Variants in CABP1 observed in about 807,000 individuals in gnomAD.
The protein encoded by CABP1 is calcium-binding protein 1.
CABP1 carries 17 observed loss-of-function variants against 34.3 expected under a neutral mutation model. The ratio of observed to expected loss-of-function variants is 0.50; its 90% CI spans 0.34 to 0.74. The LOEUF (loss-of-function observed/expected upper bound fraction) is 0.74, where lower values mean the gene tolerates loss of function less well. CABP1 is among the 30% of genes least tolerant of loss of function. CABP1 has a pLI of 0.01. For synonymous variants in CABP1, 198 were observed against 229.2 expected (o/e 0.86, Z 1.23); for missense variants, 373 against 511.1 (o/e 0.73, Z 2.61).
Position 120,640,966 on chromosome 12 carries a change from CG to C in CABP1, c.285del (p.Leu96CysfsTer180). The C allele has an allele frequency of 8.7e-7, 1 of 1,145,018 alleles. No individual in the cohort carries two copies. The highest frequency in any genetic ancestry group is 1.1e-6 in the Non-Finnish European group (1 of 932,652). The allele number at this position is 1,145,018 out of a possible 1,614,324, so 70.9% of individuals were successfully genotyped here. On this transcript the variant is annotated frameshift_variant, in exon 1 of 6. Coordinates refer to ENST00000316803, the MANE Select transcript of CABP1 (RefSeq NM_001033677.2). LOFTEE classifies it high-confidence loss of function. This position sits in a 1 kb window ranked among gnomAD's most constrained non-coding sequence, Gnocchi z 6.2. ...CCCCGCCACGGCCCTGCCCGGGACC[CG>C]GGGCTGCCTAGCCGCCGGCTACCCG... is the stretch of plus-strand genomic sequence containing the variant. ...RAPRHGPARD[P>X]GLPSRRLPGS...
chr12:120,667,028 C>A lies in CABP1; in HGVS notation c.*128C>A. 8.6e-7 allele frequency: 1 copy of A among 1,163,110 alleles called. No homozygotes were observed. Among genetic ancestry groups the A allele is most frequent in the Non-Finnish European group, 1.2e-6 (1 of 812,702 alleles). 72.0% of individuals were successfully genotyped at this position (1,163,110 alleles called of 1,614,324 possible). ...TGGCGGATGGGGCCTGCCTGCACCC[C>A]GGGGAGGCGCCCACCCCGGACCCCC... On this transcript the variant is annotated 3_prime_UTR_variant, in exon 6 of 6. Coordinates refer to ENST00000316803, the MANE Select transcript of CABP1 (RefSeq NM_001033677.2).
chr12:120,668,312 A>G (rs753086152), downstream of CABP1, among the ~76,000 whole-genome samples: 52 of 152,314 alleles, frequency 3.4e-4, no homozygotes, highest in Admixed American at 7.2e-4. Context: ...AACCTGACCA[A>G]CGTGGCCTGT....
At chr12:120,647,039 C>A (rs1247433994) in intron 1 of CABP1, among the ~76,000 whole-genome samples, 1 of 152,232 alleles carries the variant, frequency 6.6e-6, no homozygotes, top group Non-Finnish European at 1.5e-5. Flanking sequence ...TTGCCGGCTC[C>A]TGTCTCCTGT....
At position 120,641,494 on chromosome 12, in the gene CABP1, C is replaced by T. The variant is rs1879321605; in HGVS notation, c.654+155C>T. The T allele has an allele frequency of 2.6e-6, 2 of 771,174 alleles. No individual in the cohort carries two copies. Among genetic ancestry groups the T allele is most frequent in the Non-Finnish European group, 3.5e-6 (2 of 568,094 alleles). 47.8% of individuals were successfully genotyped at this position (771,174 alleles called of 1,614,324 possible). On this transcript the variant is annotated intron_variant, in intron 1 of 5. Transcript: ENST00000316803. The surrounding 1 kb of genome is among the most constrained non-coding windows in gnomAD (Gnocchi z 6.7). ...CTCCCCGGGCCGGCGCCCTTGCCGGCACTCCTCCTCCCCGTGCCTGATTCA... is the reference window on the plus strand; with the variant it reads ...CTCCCCGGGCCGGCGCCCTTGCCGGTACTCCTCCTCCCCGTGCCTGATTCA...
chr12:120,640,638 C>T lies in CABP1; in HGVS notation c.-48C>T. Reference sequence around the variant, plus strand: ...CGGCAGCGCCCCCAGATCTGCACCGCCAGCCGCCGGGAGCTCCGGGCTCCG... The same window carrying T: ...CGGCAGCGCCCCCAGATCTGCACCGTCAGCCGCCGGGAGCTCCGGGCTCCG... On this transcript the variant is annotated 5_prime_UTR_variant, in exon 1 of 6. Coordinates refer to ENST00000316803, the MANE Select transcript of CABP1 (RefSeq NM_001033677.2). The surrounding 1 kb of genome is among the most constrained non-coding windows in gnomAD (Gnocchi z 6.2). 8.8e-7 allele frequency: 1 copy of T among 1,141,734 alleles called. No homozygotes were observed. The highest frequency in any genetic ancestry group is 4.4e-5 in the South Asian group (1 of 22,958). 70.7% of individuals were successfully genotyped at this position (1,141,734 alleles called of 1,614,324 possible).
chr12:120,653,744 G>C (rs1034140902), intron 1 of CABP1, among the ~76,000 whole-genome samples: 2 of 152,162 alleles, frequency 1.3e-5, no homozygotes, highest in South Asian at 2.1e-4. Context: ...ATGTTGGCAG[G>C]CTGGTCTTGA....
chr12:120,656,038 G>C, intron 1 of CABP1: 1 of 1,611,766 alleles, frequency 6.2e-7, no homozygotes, highest in Admixed American at 1.7e-5. Context: ...GAGCCAGGCT[G>C]GGCAGGGAGG....
intron 1 of CABP1, among the ~76,000 whole-genome samples, chr12:120,654,195 T>C (rs1795036195): frequency 6.6e-6 from 1 of 152,166 alleles, no homozygotes; most frequent in Non-Finnish European, 1.5e-5. Flanking sequence ...AAAACAGACA[T>C]TTATTGCACT....
At chr12:120,666,594 T>C (rs1311825288) in intron 5 of CABP1, among the ~76,000 whole-genome samples, 1 of 151,778 alleles carries the variant, frequency 6.6e-6, no homozygotes, top group Non-Finnish European at 1.5e-5. Context: ...CTGAGAGATA[T>C]GGCTGGAGAT....
chr12:120,641,995 A>G lies in CABP1; in HGVS notation c.654+656A>G, dbSNP rs6490299. Among the ~76,000 whole-genome samples the G allele has an allele frequency of 0.32, 48,780 of 151,888 alleles. 9,271 individuals carry two copies. The highest frequency in any genetic ancestry group is 0.53 in the African/African-American group (22,033 of 41,380). The stretch of plus-strand genomic sequence containing the variant: ...CCATTGGAAGGGTGAGAAAGGCCAC[A>G]AAGAGGTCATCAGTGGTTCCCTCAG... On this transcript the variant is annotated intron_variant, in intron 1 of 5. Coordinates refer to ENST00000316803, the MANE Select transcript of CABP1 (RefSeq NM_001033677.2). This position sits in a 1 kb window ranked among gnomAD's most constrained non-coding sequence, Gnocchi z 6.7.
At chr12:120,679,654 C>A in the CABP1 span, among the ~76,000 whole-genome samples, 1 of 151,850 alleles carries the variant, frequency 6.6e-6, no homozygotes, top group Middle Eastern at 3.4e-3. Context: ...ATGGAGAAAC[C>A]CCGTCTCTAC....
chr12:120,650,620 G>T, intron 1 of CABP1: 1 of 1,613,902 alleles, frequency 6.2e-7, no homozygotes, highest in South Asian at 1.1e-5. Context: ...ATCCCAAGAG[G>T]GGCTGCCTCA....
intron 5 of CABP1, 40 bp from the exon 6 acceptor site, chr12:120,666,835 G>A (rs1168557159): frequency 6.3e-7 from 1 of 1,588,698 alleles, no homozygotes; most frequent in Non-Finnish European, 8.5e-7. Context: ...GGAGGCCTCT[G>A]GCTGCTGCTT....
At chr12:120,666,361 C>T (rs1291132802) in intron 5 of CABP1, among the ~76,000 whole-genome samples, 1 of 150,790 alleles carries the variant, frequency 6.6e-6, no homozygotes, top group Non-Finnish European at 1.5e-5. Context: ...GTAATCCCAG[C>T]TACTAGGGAG....
intron 1 of CABP1, chr12:120,659,628 A>AG: frequency 2.2e-6 from 1 of 457,424 alleles, no homozygotes; most frequent in South Asian, 3.8e-5. Flanking sequence ...GGAGGCACAG[A>AG]GGTTCTGTGC....
the CABP1 span, among the ~76,000 whole-genome samples, chr12:120,679,942 T>G: frequency 2.6e-5 from 4 of 152,098 alleles, no homozygotes; most frequent in Non-Finnish European, 4.4e-5. Flanking sequence ...GAGACTGAGG[T>G]GGGCGGATCA....
chr12:120,655,433 ACG>A (rs1880114834), intron 1 of CABP1: 1 of 622,946 alleles, frequency 1.6e-6, no homozygotes, highest in Non-Finnish European at 2.1e-6. Flanking sequence ...CTAGCCACAC[ACG>A]AAAAAGGAGG....
intron 1 of CABP1, among the ~76,000 whole-genome samples, chr12:120,649,807 C>A (rs373691975): frequency 1.3e-5 from 2 of 152,102 alleles, no homozygotes; most frequent in African/African-American, 4.8e-5. Context: ...GAGCCTCGTC[C>A]CATTTCAGTG....
chr12:120,655,830 C>CGTGTGTGT (rs746144300), intron 1 of CABP1: 3 of 879,632 alleles, frequency 3.4e-6, no homozygotes, highest in African/African-American at 6.7e-5. Flanking sequence ...TGCGTGCGTG[C>CGTGTGTGT]GTGTGTGTGT....
Sources: gnomAD v4.1 joint callset for allele counts (sites outside exome capture counted in the v4.1 genomes callset) on GRCh38, gnomAD v4.1.1 for gene constraint, Gnocchi (gnomAD v3.1) non-coding constraint, MANE v1.5 for transcripts, NCBI Gene and HGNC (gene_info 2026-07-23, HGNC 2026-07-21) for gene names.